The following ZNF536 variants were observed in gnomAD, a reference collection of about 807,000 sequenced individuals.
The protein encoded by ZNF536 is zinc finger protein 536.
In ZNF536, 13 loss-of-function variants were observed where a neutral mutation model predicts 84.5. The observed-to-expected ratio is 0.15, with a 90% confidence interval of 0.10 to 0.24. The LOEUF is 0.24. ZNF536 is among the 10% of genes least tolerant of loss of function. ZNF536 has a pLI of 1.00. For missense variants in ZNF536, 1,536 were observed against 1,747.5 expected, an observed-to-expected ratio of 0.88 and a Z score of 2.16; for synonymous variants, 811 against 742.5, an observed-to-expected ratio of 1.09 and a Z score of -1.50.
chr19:30,631,574 T>C (rs1368496319), intron 1 of ZNF536, among the ~76,000 whole-genome samples: 1 of 152,192 alleles, frequency 6.6e-6, no homozygotes, highest in African/African-American at 2.4e-5. Flanking sequence ...TTGTCAGTTT[T>C]ATGCCTCCAC....
At chr19:30,318,420 C>A (rs536760912) in intron 2 of ZNF536, among the ~76,000 whole-genome samples, 2 of 152,210 alleles carry the variant, frequency 1.3e-5, no homozygotes, top group Non-Finnish European at 2.9e-5. Context: ...AAGGCTAGGG[C>A]GGGCAGATGC....
intron 2 of ZNF536, among the ~76,000 whole-genome samples, chr19:30,460,687 G>A (rs969641230): frequency 6.6e-6 from 1 of 152,158 alleles, no homozygotes; most frequent in Non-Finnish European, 1.5e-5. Flanking sequence ...GTGCAGGACT[G>A]TGTCCCTCAT....
At chr19:30,380,612 C>T (rs1226213645) in intron 1 of ZNF536, among the ~76,000 whole-genome samples, 1 of 152,176 alleles carries the variant, frequency 6.6e-6, no homozygotes, top group African/African-American at 2.4e-5. Flanking sequence ...CCAGCTGTGG[C>T]ATCAGATGTG....
intron 2 of ZNF536, among the ~76,000 whole-genome samples, chr19:30,317,964 C>T (rs144672820): frequency 2.6e-5 from 4 of 152,306 alleles, no homozygotes; most frequent in African/African-American, 9.6e-5. Flanking sequence ...AAAATGCCTA[C>T]GCTGCAGGCT....
intron 2 of ZNF536, among the ~76,000 whole-genome samples, chr19:30,321,582 A>G (rs1027066892): frequency 5.9e-5 from 9 of 152,186 alleles, no homozygotes; most frequent in Non-Finnish European, 1.3e-4. Context: ...ATAAAATGAT[A>G]AAAGAAATCT....
intron 2 of ZNF536, among the ~76,000 whole-genome samples, chr19:30,337,899 GTGA>G (rs1222568151): frequency 2.0e-5 from 3 of 152,026 alleles, no homozygotes; most frequent in Admixed American, 1.3e-4. Flanking sequence ...GATGATGGTG[GTGA>G]TGATGATGAT....
chr19:30,381,070 G>A (rs888095323), intron 1 of ZNF536, among the ~76,000 whole-genome samples: 2 of 152,012 alleles, frequency 1.3e-5, no homozygotes, highest in African/African-American at 4.8e-5. Context: ...TAGAGACAGG[G>A]TCTTGCTATG....
At chr19:30,292,622 A>AG (rs749710627) in intron 2 of ZNF536, among the ~76,000 whole-genome samples, 4 of 152,120 alleles carry the variant, frequency 2.6e-5, no homozygotes, top group Non-Finnish European at 5.9e-5. Context: ...CTAGGCCTCT[A>AG]GGGGACTTCT....
chr19:30,440,231 G>A, intron 1 of ZNF536, among the ~76,000 whole-genome samples: 1 of 151,872 alleles, frequency 6.6e-6, no homozygotes, highest in Non-Finnish European at 1.5e-5. Flanking sequence ...AAAGTGCTGG[G>A]ATTACAGGCA....
At chr19:30,648,979 T>C (rs1004670662) in intron 1 of ZNF536, among the ~76,000 whole-genome samples, 1 of 152,230 alleles carries the variant, frequency 6.6e-6, no homozygotes, top group African/African-American at 2.4e-5. Flanking sequence ...CCGACCACTG[T>C]TTCTTCACTG....
intron 1 of ZNF536, among the ~76,000 whole-genome samples, chr19:30,379,879 C>A (rs2048957808): frequency 6.6e-6 from 1 of 152,134 alleles, no homozygotes; most frequent in Admixed American, 6.5e-5. Flanking sequence ...GCTAAGTGCC[C>A]TACTTACCTT....
At chr19:30,319,347 G>A (rs1272239864) in intron 2 of ZNF536, among the ~76,000 whole-genome samples, 3 of 151,996 alleles carry the variant, frequency 2.0e-5, no homozygotes, top group Non-Finnish European at 1.5e-5. Flanking sequence ...TAATTTAGTC[G>A]TAAAGGCTCA....
intron 2 of ZNF536, among the ~76,000 whole-genome samples, chr19:30,514,521 G>A (rs2055552842): frequency 6.6e-6 from 1 of 152,052 alleles, no homozygotes; most frequent in African/African-American, 2.4e-5. Context: ...CCAAGTAGAA[G>A]AGTGACCAGT....
intron 1 of ZNF536, among the ~76,000 whole-genome samples, chr19:30,606,881 T>C (rs766344847): frequency 6.6e-6 from 1 of 152,118 alleles, no homozygotes; most frequent in African/African-American, 2.4e-5. Flanking sequence ...AGAGGGTTCT[T>C]GTCAATCCTC....
intron 1 of ZNF536, among the ~76,000 whole-genome samples, chr19:30,692,343 C>G (rs556061253): frequency 6.6e-6 from 1 of 152,310 alleles, no homozygotes; most frequent in East Asian, 1.9e-4. Context: ...TTCCCCTTCT[C>G]CCTTGTCTCT....
At chr19:30,483,821 G>T (rs2054186426) in intron 2 of ZNF536, among the ~76,000 whole-genome samples, 1 of 152,038 alleles carries the variant, frequency 6.6e-6, no homozygotes, top group African/African-American at 2.4e-5. Context: ...AACCTTCAGG[G>T]TCCAGCCCTT....
intron 2 of ZNF536, among the ~76,000 whole-genome samples, chr19:30,495,517 C>G (rs16964255): frequency 0.097 from 14,726 of 152,096 alleles, 814 homozygotes; most frequent in East Asian, 0.19. Flanking sequence ...GCTGGTGTTT[C>G]GAACAGAGAG....
intron 1 of ZNF536, among the ~76,000 whole-genome samples, chr19:30,437,976 G>T (rs2051831333): frequency 6.6e-6 from 1 of 152,164 alleles, no homozygotes; most frequent in South Asian, 2.1e-4. Flanking sequence ...TGTGCTAAGG[G>T]TTTTTCTGCC....
chr19:30,323,071 G>A (rs1460750029), intron 2 of ZNF536, among the ~76,000 whole-genome samples: 1 of 152,002 alleles, frequency 6.6e-6, no homozygotes, highest in African/African-American at 2.4e-5. Context: ...ACCTTCCTGA[G>A]CCCAGGACTA....
Sources: allele counts gnomAD v4.1 joint callset (sites outside exome capture counted in the v4.1 genomes callset), GRCh38; gene constraint gnomAD v4.1.1; transcripts MANE v1.5; gene names NCBI Gene and HGNC (gene_info 2026-07-23, HGNC 2026-07-21).